Variants in ADAP1 observed in about 807,000 individuals in gnomAD.
ADAP1 encodes the protein ArfGAP with dual PH domains 1.
ADAP1 carries 31 observed loss-of-function variants against 54.9 expected under a neutral mutation model. The ratio of observed to expected loss-of-function variants is 0.56; its 90% CI spans 0.42 to 0.76. The LOEUF (loss-of-function observed/expected upper bound fraction) is 0.76, where lower values mean the gene tolerates loss of function less well. ADAP1 is among the 30% of genes least tolerant of loss of function. The pLI, the probability that ADAP1 is intolerant of heterozygous loss-of-function variation, is 0.00. For missense variants in ADAP1, 535 were observed against 512.4 expected, an observed-to-expected ratio of 1.04 and a Z score of -0.42; for synonymous variants, 313 against 202.6, an observed-to-expected ratio of 1.55 and a Z score of -4.63.
intron 4 of ADAP1, among the ~76,000 whole-genome samples, chr7:914,056 A>G (rs1845833151): frequency 6.6e-6 from 1 of 152,236 alleles, no homozygotes; most frequent in African/African-American, 2.4e-5. Context: ...GCCCACACAC[A>G]GGACATCTGG....
chr7:909,824 G>A (rs1185180299), intron 4 of ADAP1, among the ~76,000 whole-genome samples: 2 of 152,140 alleles, frequency 1.3e-5, no homozygotes, highest in Non-Finnish European at 2.9e-5. Context: ...GCTGTGAGCT[G>A]GTCCCGCTGT....
chr7:907,458 T>G (rs1387363052), intron 4 of ADAP1, among the ~76,000 whole-genome samples: 5 of 152,148 alleles, frequency 3.3e-5, no homozygotes, highest in South Asian at 2.1e-4. Flanking sequence ...CTCGGGCCCG[T>G]GGGATCGTCC....
chr7:905,249 A>G, intron 4 of ADAP1, 77 bp from the exon 5 acceptor site: 1 of 995,476 alleles, frequency 1.0e-6, no homozygotes, highest in Non-Finnish European at 1.5e-6. Flanking sequence ...TGGACAGGAC[A>G]GAGGGGACAT....
At position 946,605 on chromosome 7, in the gene ADAP1, G is replaced by T. The variant is rs1847146932; in HGVS notation, c.82+7791C>A. ...CTCCTGGTGCTCCAGCCCCATGGCG[G>T]GAACCCCACGGTGAAGGCCATCCCC... is the stretch of plus-strand genomic sequence containing the variant. On this transcript the variant is annotated intron_variant, in intron 1 of 10. Transcript: ENST00000265846. This position sits in a 1 kb window ranked among gnomAD's most constrained non-coding sequence, Gnocchi z 4.3. Among the ~76,000 whole-genome samples, 1 of 151,570 alleles carries T rather than the reference G, an allele frequency of 6.6e-6. No individual in the cohort carries two copies. The highest frequency in any genetic ancestry group is 2.4e-5 in the African/African-American group (1 of 41,204).
rs1041548007 is a variant in ADAP1 at position 917,857 on chromosome 7, G to A, written c.388+2111C>T. Reference sequence around the variant, plus strand: ...GCAACCTTGGCTCACTGCAGCCTCCGCCTCCCAGGCTCAAGAGATCCTCCC... The same window carrying A: ...GCAACCTTGGCTCACTGCAGCCTCCACCTCCCAGGCTCAAGAGATCCTCCC... On this transcript the variant is annotated intron_variant, in intron 4 of 10. Transcript: ENST00000265846. Among the ~76,000 whole-genome samples, 6 of 151,878 alleles carry A rather than the reference G, an allele frequency of 4.0e-5. No homozygotes were observed. In the East Asian group the frequency reaches 5.8e-4, roughly 15 times the overall value.
rs1200953030 is a variant in ADAP1 at position 899,135 on chromosome 7, G to A, written c.994C>T (p.Arg332Cys). Residue 332 changes from arginine to cysteine, a missense_variant, in exon 10 of 11, where the codon CGC (arginine) becomes TGC (cysteine). Transcript: ENST00000265846. ...PHGITIVTPD[R>C]KFLFACETES... Reference sequence around the variant, plus strand: ...GTCTCGCAGGCAAACAGAAACTTGCGGTCGGGCGTGACGATGGTGATGCCA... The same window carrying A: ...GTCTCGCAGGCAAACAGAAACTTGCAGTCGGGCGTGACGATGGTGATGCCA... 2.5e-6 allele frequency: 4 copies of A among 1,610,092 alleles called. No homozygotes were observed. The highest frequency in any genetic ancestry group is 1.3e-5 in the African/African-American group (1 of 74,932).
intron 6 of ADAP1, among the ~76,000 whole-genome samples, chr7:903,716 AG>A (rs1463610879): frequency 2.0e-5 from 3 of 151,994 alleles, no homozygotes; most frequent in Non-Finnish European, 2.9e-5. Context: ...ACCACCCCAG[AG>A]CCGGCTACCG....
At chr7:935,651 C>T in intron 1 of ADAP1, 146 bp from the exon 2 acceptor site, 1 of 1,035,618 alleles carries the variant, frequency 9.7e-7, no homozygotes, top group South Asian at 1.7e-5. Context: ...CCGTGCGCCC[C>T]ACAGGCACCT....
chr7:900,238 C>G, intron 7 of ADAP1, 74 bp from the exon 8 acceptor site: 2 of 1,567,396 alleles, frequency 1.3e-6, no homozygotes, highest in Non-Finnish European at 1.8e-6. Context: ...CTGTGCCCCT[C>G]TGTGCTCCCC....
intron 4 of ADAP1, 110 bp from the exon 5 acceptor site, chr7:905,282 GGACGGGGGACACGGACA>G (rs1845064850): frequency 2.6e-6 from 1 of 386,518 alleles, no homozygotes; most frequent in Non-Finnish European, 4.3e-6. Context: ...CGGGGGACAC[GGACGGGGGACACGGACA>G]GGGGGAGACG....
intron 8 of ADAP1, 139 bp downstream of exon 8, chr7:899,963 G>T: frequency 9.5e-7 from 1 of 1,051,770 alleles, no homozygotes; most frequent in Non-Finnish European, 1.4e-6. Context: ...CCCCGGCCAG[G>T]CACAGACAAG....
At chr7:908,152 G>A (rs1048614629) in intron 4 of ADAP1, among the ~76,000 whole-genome samples, 6 of 152,286 alleles carry the variant, frequency 3.9e-5, no homozygotes, top group Admixed American at 6.5e-5. Context: ...ACGCGAGGGG[G>A]CTGTGGGCTC....
chr7:912,531 C>T (rs1845766124), intron 4 of ADAP1, among the ~76,000 whole-genome samples: 1 of 152,152 alleles, frequency 6.6e-6, no homozygotes, highest in South Asian at 2.1e-4. Context: ...CTGAGGTTCA[C>T]CTGGGGCCAC....
chr7:934,683 GGGGCCCTTCCTGCCGCCTCCAGCATGCGT>G (rs1233969087), intron 2 of ADAP1, among the ~76,000 whole-genome samples: 2 of 152,138 alleles, frequency 1.3e-5, no homozygotes, highest in Non-Finnish European at 2.9e-5. Context: ...GTCTCCCTAC[GGGGCCCTTCCTGCCGCCTCCAGCATGCGT>G]GGCCCCTCCC....
intron 4 of ADAP1, among the ~76,000 whole-genome samples, chr7:905,817 G>GGAGAAAGGAGAAA (rs1562913016): frequency 6.1e-5 from 1 of 16,464 alleles, no homozygotes; most frequent in Non-Finnish European, 1.5e-4. Context: ...GAAAGGAGAA[G>GGAGAAAGGAGAAA]GGAGAAGGGA....
intron 1 of ADAP1, among the ~76,000 whole-genome samples, chr7:937,051 CGGATTTGGGGGTCATGCCCGGCCTCTG>C (rs1486677068): frequency 3.3e-5 from 5 of 149,706 alleles, no homozygotes; most frequent in East Asian, 2.0e-4. Flanking sequence ...GGCTGAACCT[CGGATTTGGGGGTCATGCCCGGCCTCTG>C]GGATTTGGGG....
rs1020559118 is a variant in ADAP1 at position 920,859 on chromosome 7, G to A, written c.306-809C>T. On this transcript the variant is annotated intron_variant, in intron 3 of 10. Transcript: ENST00000265846. The surrounding 1 kb of genome is among the most constrained non-coding windows in gnomAD (Gnocchi z 4.5). ...GCACGGCCCAGGTGCACAGGCAGCC[G>A]CCCCAGCCTTTTCCACTCCCAGGGA... 21 of 1,549,908 alleles carry A rather than the reference G, an allele frequency of 1.4e-5. 1 individual carries two copies. Among genetic ancestry groups the A allele is most frequent in the South Asian group, 4.8e-5 (4 of 84,054 alleles).
intron 4 of ADAP1, among the ~76,000 whole-genome samples, chr7:911,319 G>A (rs1026600948): frequency 2.6e-5 from 4 of 151,992 alleles, no homozygotes; most frequent in Non-Finnish European, 4.4e-5. Context: ...ACTCACACAC[G>A]GGTTCACAGT....
At chr7:936,530 G>A (rs1846764570) in intron 1 of ADAP1, among the ~76,000 whole-genome samples, 1 of 152,240 alleles carries the variant, frequency 6.6e-6, no homozygotes, top group Non-Finnish European at 1.5e-5. Flanking sequence ...CTGCACGTGT[G>A]AAATGTCTCA....
Sources: gnomAD v4.1 joint callset for allele counts (sites outside exome capture counted in the v4.1 genomes callset) on GRCh38, gnomAD v4.1.1 for gene constraint, Gnocchi (gnomAD v3.1) non-coding constraint, MANE v1.5 for transcripts, NCBI Gene and HGNC (gene_info 2026-07-23, HGNC 2026-07-21) for gene names.